Variants in WDR53 observed in about 807,000 individuals in gnomAD.
WDR53 encodes the protein WD repeat-containing protein 53.
WDR53 carries 19 observed loss-of-function variants against 21.3 expected under a neutral mutation model. The observed-to-expected ratio is 0.89, with a 90% CI of 0.62 to 1.31. The LOEUF (loss-of-function observed/expected upper bound fraction) is 1.31. WDR53 is among the 50% of genes most tolerant of loss of function. The probability of loss-of-function intolerance (pLI) is 0.00; values close to 1 mark genes in which losing one functional copy is unlikely to be tolerated. For synonymous variants in WDR53, 157 were observed against 163.4 expected (o/e 0.96, Z 0.30); for missense variants, 374 against 423.2 (o/e 0.88, Z 1.02).
At chr3:196,556,021 CGAA>C (rs1235677682) in intron 3 of WDR53, among the ~76,000 whole-genome samples, 1 of 151,538 alleles carries the variant, frequency 6.6e-6, no homozygotes, top group Admixed American at 6.6e-5. Context: ...AAATATAACA[CGAA>C]GGAGTGCTGA....
intron 3 of WDR53, among the ~76,000 whole-genome samples, chr3:196,557,598 GT>G (rs1468344648): frequency 6.6e-6 from 1 of 152,080 alleles, no homozygotes; most frequent in Non-Finnish European, 1.5e-5. Context: ...TGGGATTTTG[GT>G]TTTAAAAATC....
At chr3:196,567,433 T>A in intron 1 of WDR53, 126 bp from the exon 2 acceptor site, 1 of 348,436 alleles carries the variant, frequency 2.9e-6, no homozygotes. Flanking sequence ...GTTCCTTTGC[T>A]TTTACTAGAG....
intron 2 of WDR53, 63 bp from the exon 3 acceptor site, chr3:196,561,554 A>T: frequency 6.9e-7 from 1 of 1,446,142 alleles, no homozygotes; most frequent in Admixed American, 2.4e-5. Flanking sequence ...GGGAGGAGAC[A>T]GATGTAATAA....
chr3:196,564,602 A>T (rs998026080), intron 2 of WDR53, among the ~76,000 whole-genome samples: 5 of 151,846 alleles, frequency 3.3e-5, no homozygotes, highest in African/African-American at 4.8e-5. Flanking sequence ...GGCTCAAGTG[A>T]TCCTCCCGTC....
At chr3:196,564,831 C>T (rs1735227393) in intron 2 of WDR53, among the ~76,000 whole-genome samples, 2 of 152,142 alleles carry the variant, frequency 1.3e-5, no homozygotes, top group Non-Finnish European at 2.9e-5. Flanking sequence ...TTTAGGTTTT[C>T]TCTGAAACAA....
At chr3:196,560,889 G>A (rs1734768721) in intron 3 of WDR53, 107 bp downstream of exon 3, 2 of 1,378,292 alleles carry the variant, frequency 1.5e-6, no homozygotes, top group South Asian at 1.4e-5. Context: ...AAATGGATAT[G>A]TTAGTAGAAA....
intron 2 of WDR53, among the ~76,000 whole-genome samples, chr3:196,565,549 G>C (rs1408369106): frequency 6.9e-6 from 1 of 145,744 alleles, no homozygotes; most frequent in Non-Finnish European, 1.5e-5. Flanking sequence ...GCCTGGGTGA[G>C]AGTCGGGGTG....
At chr3:196,567,399 C>T (rs886286660) in intron 1 of WDR53, 92 bp from the exon 2 acceptor site, 8 of 364,320 alleles carry the variant, frequency 2.2e-5, no homozygotes, top group Non-Finnish European at 3.8e-5. Context: ...CACCATGAAT[C>T]AGAGGGTAGG....
At chr3:196,568,546 CCTAGTGATAACCTCA>C (rs1381698242) in exon 1 of WDR53, 1 of 152,468 alleles carries the variant, frequency 6.6e-6, no homozygotes, top group Non-Finnish European at 1.5e-5. Flanking sequence ...CTCCTCGGCG[CCTAGTGATAACCTCA>C]CCCGCCGGCG....
At position 196,565,262 on chromosome 3, in the gene WDR53, T is replaced by TA. The variant is rs538382754; in HGVS notation, c.-17+1614dup. Among the ~76,000 whole-genome samples, 1,265 of 144,302 alleles carry TA rather than the reference T, an allele frequency of 8.8e-3. 14 individuals are homozygous for TA. Among genetic ancestry groups the TA allele is most frequent in the African/African-American group, 0.027 (1,051 of 39,478 alleles). 94.7% of individuals were successfully genotyped at this position (144,302 alleles called of 152,430 possible). A position where few individuals can be genotyped will look rare whatever the true frequency, so the allele number is the denominator to read the frequency against. ...AATAAATAACTGTTACTGGGAATGT[T>TA]AAAAAAAAAAAAAAGGCAGGGGCCA... On this transcript the variant is annotated intron_variant, in intron 2 of 3. Coordinates refer to ENST00000332629, the MANE Select transcript of WDR53 (RefSeq NM_182627.3).
At position 196,554,615 on chromosome 3, in the gene WDR53, G is replaced by A. The variant is rs771147259; in HGVS notation, c.673C>T (p.Arg225Trp). 80 of 1,613,910 alleles carry A rather than the reference G, an allele frequency of 5.0e-5. 1 individual carries two copies. In the South Asian group the frequency reaches 7.0e-4, roughly 14 times the overall value. The change falls in exon 4 of 4, where the codon CGG (arginine) becomes TGG (tryptophan). Residue 225 changes from arginine (R) to tryptophan (W), a missense_variant. Transcript: ENST00000332629. ...GAEDGKVRIF[R>W]VMGVKCEQEL... ...TGTTCACACTTAACTCCCATCACCC[G>A]AAAGATTCGAACCTTACCATCTTCT...
intron 3 of WDR53, among the ~76,000 whole-genome samples, chr3:196,557,978 T>C (rs1408986039): frequency 6.6e-6 from 1 of 151,988 alleles, no homozygotes; most frequent in Non-Finnish European, 1.5e-5. Flanking sequence ...GGTTTCGCTA[T>C]GTTGCCCAGG....
chr3:196,567,213 C>A lies in WDR53; in HGVS notation c.-353G>T, dbSNP rs1374877786. ...CACCATCACCAGAGTCAGCACAGGT[C>A]AACTTTTCTCTACAGGCTTGGGGTT... On this transcript the variant is annotated 5_prime_UTR_variant, in exon 2 of 4. Coordinates refer to ENST00000332629, the MANE Select transcript of WDR53 (RefSeq NM_182627.3). 1 of 457,150 alleles carries A rather than the reference C, an allele frequency of 2.2e-6. No homozygotes were observed. Among genetic ancestry groups the A allele is most frequent in the Non-Finnish European group, 4.4e-6 (1 of 227,076 alleles). 28.3% of individuals were successfully genotyped at this position (457,150 alleles called of 1,614,324 possible).
In WDR53 at chr3:196,554,371, A is replaced by ACTGAAG. The variant is rs1560298217; in HGVS notation, c.911_916dup (p.Ala304_Ser305dup). The ACTGAAG allele has an allele frequency of 6.2e-7, 1 of 1,614,104 alleles. No homozygotes were observed. The highest frequency in any genetic ancestry group is 2.2e-5 in the East Asian group (1 of 44,886). ...GTTGCCATGTTCTTCCTCATCTGTT[A>ACTGAAG]CTGAAGCGTTAGTATTTCCACCCTG... On this transcript the variant is annotated inframe_insertion, in exon 4 of 4. Transcript: ENST00000332629.
At position 196,561,022 on chromosome 3, in the gene WDR53, G is replaced by C. The variant is rs1257036248; in HGVS notation, c.454C>G (p.Leu152Val). ...VAFRPQRPQS[L>V]VSCGLDMQVM... is the part of the protein sequence containing the mutation. ...TGCATATCCAGTCCACATGACACCA[G>C]GCTCTGAGGCCTCTGAGGCCGAAAA... Residue 152 changes from leucine (L) to valine (V), a missense_variant, in exon 3 of 4, where the codon CTG becomes GTG. Coordinates refer to ENST00000332629, the MANE Select transcript of WDR53 (RefSeq NM_182627.3). 1 of 1,614,014 alleles carries C rather than the reference G, an allele frequency of 6.2e-7. No homozygotes were observed. Among genetic ancestry groups the C allele is most frequent in the Non-Finnish European group, 8.5e-7 (1 of 1,179,958 alleles).
rs554129111 is a variant in WDR53, at chr3:196,567,180, G to C, written c.-320C>G. ...TTGAAGACTTCAAAGAAATTAGTGA[G>C]AGACAGTCACCATCACCAGAGTCAG... On this transcript the variant is annotated 5_prime_UTR_variant, in exon 2 of 4. Transcript: ENST00000332629. 1 of 457,254 alleles carries C rather than the reference G, an allele frequency of 2.2e-6. No homozygotes were observed. Among genetic ancestry groups the C allele is most frequent in the African/African-American group, 2.0e-5 (1 of 50,194 alleles). The allele number at this position is 457,254 out of a possible 1,614,324, so 28.3% of individuals were successfully genotyped here.
Position 196,556,676 on chromosome 3 carries a change from TAC to T in WDR53, c.481-1871_481-1870del, listed in dbSNP as rs59266188. ...GTCTTTAAAAAAAAAAAAAAGAAAA[TAC>T]ACACACACACACACAGAAAATGGAC... On this transcript the variant is annotated intron_variant, in intron 3 of 3. Coordinates refer to ENST00000332629, the MANE Select transcript of WDR53 (RefSeq NM_182627.3). Among the ~76,000 whole-genome samples the T allele has an allele frequency of 5.7e-5, 8 of 139,172 alleles. No homozygotes were observed. In the East Asian group the frequency reaches 8.5e-4, roughly 15 times the overall value. 91.3% of individuals were successfully genotyped at this position (139,172 alleles called of 152,430 possible).
intron 3 of WDR53, among the ~76,000 whole-genome samples, chr3:196,555,397 A>C (rs1382036676): frequency 6.6e-6 from 1 of 152,176 alleles, no homozygotes; most frequent in Non-Finnish European, 1.5e-5. Context: ...CAGTTTCTTG[A>C]GACTTACTTA....
At chr3:196,556,984 A>G (rs1272718707) in intron 3 of WDR53, among the ~76,000 whole-genome samples, 2 of 152,186 alleles carry the variant, frequency 1.3e-5, no homozygotes, top group African/African-American at 2.4e-5. Flanking sequence ...ACTTTTCTAA[A>G]ATGCTAAAGA....
Sources: allele counts gnomAD v4.1 joint callset (sites outside exome capture counted in the v4.1 genomes callset), GRCh38; gene constraint gnomAD v4.1.1; transcripts MANE v1.5; gene names NCBI Gene and HGNC (gene_info 2026-07-23, HGNC 2026-07-21).